The following TRIM71 variants were observed in gnomAD, a reference collection of about 807,000 sequenced individuals.
TRIM71 encodes the protein tripartite motif containing 71.
In TRIM71, 9 loss-of-function variants were observed where a neutral mutation model predicts 61.2. The observed-to-expected ratio is 0.15, with a 90% CI of 0.09 to 0.26. The LOEUF (loss-of-function observed/expected upper bound fraction) is 0.26, where lower values mean the gene tolerates loss of function less well. TRIM71 is among the 10% of genes least tolerant of loss of function. The pLI is 1.00. For missense variants in TRIM71, 998 were observed against 1,238.7 expected, an observed-to-expected ratio of 0.81 and a Z score of 2.92; for synonymous variants, 645 against 553.2, an observed-to-expected ratio of 1.17 and a Z score of -2.33.
intron 1 of TRIM71, among the ~76,000 whole-genome samples, chr3:32,842,262 T>C (rs1469922367): frequency 6.6e-6 from 1 of 152,230 alleles, no homozygotes; most frequent in East Asian, 1.9e-4. Context: ...TTGCTTTGAC[T>C]CCCAGGAAGC....
intron 2 of TRIM71, among the ~76,000 whole-genome samples, chr3:32,880,553 C>T (rs1696898355): frequency 6.6e-6 from 1 of 152,168 alleles, no homozygotes; most frequent in South Asian, 2.1e-4. Flanking sequence ...GAAAGAGCTC[C>T]AGATACAAAT....
intron 2 of TRIM71, among the ~76,000 whole-genome samples, chr3:32,881,195 C>T (rs1004830748): frequency 6.6e-6 from 1 of 151,962 alleles, no homozygotes; most frequent in African/African-American, 2.4e-5. Flanking sequence ...ATTTTGGTAT[C>T]TTCAGTAGAG....
chr3:32,832,708 A>G (rs557074644), intron 1 of TRIM71, among the ~76,000 whole-genome samples: 1 of 152,078 alleles, frequency 6.6e-6, no homozygotes, highest in Non-Finnish European at 1.5e-5. Context: ...TATAATAAAG[A>G]TTGTAAAATT....
rs375880116 is a variant in TRIM71, at chr3:32,818,101, C to A, written c.21C>A (p.Thr7=). The change falls in exon 1 of 4, where the codon ACC becomes ACA. Residue 7 remains threonine, a synonymous_variant. Coordinates refer to ENST00000383763, the MANE Select transcript of TRIM71 (RefSeq NM_001039111.3). ...TGCAAATGGCTTCGTTCCCCGAGAC[C>A]GATTTCCAGATCTGCTTGCTGTGCA... MASFPE[T]DFQICLLCKE... The A allele has an allele frequency of 2.4e-5, 38 of 1,610,086 alleles. No individual in the cohort carries two copies. The highest frequency in any genetic ancestry group is 3.1e-5 in the Non-Finnish European group (37 of 1,177,980).
chr3:32,854,040 G>T (rs376357543), intron 1 of TRIM71, among the ~76,000 whole-genome samples: 1 of 152,012 alleles, frequency 6.6e-6, no homozygotes, highest in Non-Finnish European at 1.5e-5. Context: ...CTTGGTGTTG[G>T]CCCCTTTGGG....
chr3:32,854,298 C>T (rs935823683), intron 1 of TRIM71, among the ~76,000 whole-genome samples: 5 of 152,228 alleles, frequency 3.3e-5, no homozygotes, highest in Non-Finnish European at 7.3e-5. Flanking sequence ...GCCTGGCCTA[C>T]ATTCCCATTT....
chr3:32,892,633 A>C lies in TRIM71; in HGVS notation c.*822A>C, dbSNP rs1349940799. The stretch of plus-strand genomic sequence containing the variant: ...CCCAAGTAGTAAAGCTGAAAATGAC[A>C]CACTGCCTCCCAAAGAACCTCTCCT... On this transcript the variant is annotated 3_prime_UTR_variant, in exon 4 of 4. Coordinates refer to ENST00000383763, the MANE Select transcript of TRIM71 (RefSeq NM_001039111.3). 6.6e-6 allele frequency: 1 copy of C among 152,186 alleles called. No individual in the cohort carries two copies. Among genetic ancestry groups the C allele is most frequent in the East Asian group, 1.9e-4 (1 of 5,192 alleles). The allele number at this position is 152,186 out of a possible 1,614,324, so 9.4% of individuals were successfully genotyped here. A position where few individuals can be genotyped will look rare whatever the true frequency, so the allele number is the denominator to read the frequency against.
At chr3:32,827,534 T>C (rs1230240111) in intron 1 of TRIM71, among the ~76,000 whole-genome samples, 3 of 151,862 alleles carry the variant, frequency 2.0e-5, no homozygotes, top group Non-Finnish European at 4.4e-5. Context: ...GTGCTGGGAT[T>C]ACAGGCGTGA....
intron 1 of TRIM71, among the ~76,000 whole-genome samples, chr3:32,868,291 C>T (rs984486336): frequency 1.3e-5 from 2 of 152,112 alleles, no homozygotes; most frequent in African/African-American, 4.8e-5. Context: ...AAAAAGAATT[C>T]GGGAATTCTT....
At chr3:32,832,484 C>G (rs772700482) in intron 1 of TRIM71, among the ~76,000 whole-genome samples, 6 of 152,114 alleles carry the variant, frequency 3.9e-5, no homozygotes, top group African/African-American at 7.2e-5. Context: ...TTAATGGAAT[C>G]CAAATAAGTT....
At chr3:32,873,631 A>G (rs1299446855) in intron 1 of TRIM71, among the ~76,000 whole-genome samples, 187 bp from the exon 2 acceptor site, 3 of 152,088 alleles carry the variant, frequency 2.0e-5, no homozygotes, top group Non-Finnish European at 2.9e-5. Context: ...AGAGTGGGAG[A>G]AAAAAGGAAG....
chr3:32,825,310 C>T (rs140515372), intron 1 of TRIM71, among the ~76,000 whole-genome samples: 5 of 152,192 alleles, frequency 3.3e-5, no homozygotes, highest in African/African-American at 4.8e-5. Flanking sequence ...ATGGCTAAAA[C>T]GCTTTTTTTT....
intron 1 of TRIM71, 146 bp downstream of exon 1, chr3:32,819,078 C>A: frequency 1.1e-6 from 1 of 895,746 alleles, no homozygotes; most frequent in Non-Finnish European, 1.8e-6. Flanking sequence ...GTCCTTGCTA[C>A]CAAAGTAGAT....
intron 1 of TRIM71, among the ~76,000 whole-genome samples, chr3:32,839,255 G>C (rs1242029227): frequency 1.3e-5 from 2 of 149,254 alleles, no homozygotes; most frequent in African/African-American, 2.4e-5. Context: ...TTTGAGACAA[G>C]AGTCTCATTT....
At chr3:32,821,972 C>G (rs1696140088) in intron 1 of TRIM71, among the ~76,000 whole-genome samples, 1 of 152,098 alleles carries the variant, frequency 6.6e-6, no homozygotes, top group African/African-American at 2.4e-5. Context: ...GGAAGAGTTT[C>G]ACAACTAGGG....
At chr3:32,867,176 C>A (rs77356510) in intron 1 of TRIM71, among the ~76,000 whole-genome samples, 2 of 151,934 alleles carry the variant, frequency 1.3e-5, no homozygotes, top group East Asian at 3.9e-4. Flanking sequence ...TTACCACCCC[C>A]CTCCCCCTCC....
At chr3:32,857,982 C>T (rs1169156277) in intron 1 of TRIM71, among the ~76,000 whole-genome samples, 1 of 151,444 alleles carries the variant, frequency 6.6e-6, no homozygotes, top group African/African-American at 2.4e-5. Flanking sequence ...GGGTGAGGGG[C>T]GGGACACAAA....
intron 1 of TRIM71, among the ~76,000 whole-genome samples, chr3:32,855,648 G>T (rs771453296): frequency 8.5e-5 from 13 of 152,194 alleles, no homozygotes; most frequent in Admixed American, 5.9e-4. Flanking sequence ...ACATGTCCCA[G>T]AATGAAGGTT....
intron 1 of TRIM71, among the ~76,000 whole-genome samples, chr3:32,865,372 A>G (rs1386100055): frequency 6.6e-6 from 1 of 151,986 alleles, no homozygotes; most frequent in African/African-American, 2.4e-5. Context: ...CAAAAAACCC[A>G]CTGTTGCAGC....
Sources: allele counts gnomAD v4.1 joint callset (sites outside exome capture counted in the v4.1 genomes callset), GRCh38; gene constraint gnomAD v4.1.1; transcripts MANE v1.5; gene names NCBI Gene and HGNC (gene_info 2026-07-23, HGNC 2026-07-21).